UNC13C: variants seen among roughly 807,000 people sequenced by gnomAD.
UNC13C encodes the protein protein unc-13 homolog C.
UNC13C carries 174 observed loss-of-function variants against 245.4 expected under a neutral mutation model. The ratio of observed to expected loss-of-function variants is 0.71; its 90% CI spans 0.63 to 0.80. The LOEUF is 0.80. Ranked by LOEUF, UNC13C falls within the 30% of genes least tolerant of loss-of-function variation. UNC13C has a pLI of 0.00. For synonymous variants in UNC13C, 992 were observed against 895.1 expected, an observed-to-expected ratio of 1.11 and a Z score of -1.93; for missense variants, 2,829 against 2,602.9, an observed-to-expected ratio of 1.09 and a Z score of -1.89.
At chr15:54,256,675 G>A (rs957701557) in intron 8 of UNC13C, among the ~76,000 whole-genome samples, 4 of 152,040 alleles carry the variant, frequency 2.6e-5, no homozygotes, top group African/African-American at 9.7e-5. Context: ...CAATGACAAC[G>A]ACAACAACAA....
At chr15:54,412,509 G>A (rs2040436744) in intron 18 of UNC13C, among the ~76,000 whole-genome samples, 1 of 152,218 alleles carries the variant, frequency 6.6e-6, no homozygotes, top group South Asian at 2.1e-4. Context: ...ATTACAGTTT[G>A]AGATGGGATT....
At chr15:53,855,697 A>G in the UNC13C span, among the ~76,000 whole-genome samples, 1 of 152,148 alleles carries the variant, frequency 6.6e-6, no homozygotes, top group Non-Finnish European at 1.5e-5. Context: ...TTGCCAGTAT[A>G]TTATTGAGGA....
chr15:54,191,778 T>C (rs2034192013), intron 4 of UNC13C, among the ~76,000 whole-genome samples: 1 of 152,218 alleles, frequency 6.6e-6, no homozygotes, highest in Non-Finnish European at 1.5e-5. Context: ...ATTGTGGTTT[T>C]GATTTGCATT....
the UNC13C span, among the ~76,000 whole-genome samples, chr15:53,874,758 C>T: frequency 1.3e-5 from 2 of 152,170 alleles, no homozygotes; most frequent in African/African-American, 2.4e-5. Context: ...TCACTTGGCA[C>T]TTCCACATAT....
intron 2 of UNC13C, among the ~76,000 whole-genome samples, chr15:54,074,116 C>A (rs1284701468): frequency 8.2e-6 from 1 of 122,022 alleles, no homozygotes; most frequent in Non-Finnish European, 1.7e-5. Flanking sequence ...GTTTTCCCAA[C>A]ACCATTTATT....
chr15:54,450,415 C>A (rs1189174922), intron 19 of UNC13C, among the ~76,000 whole-genome samples: 1 of 152,208 alleles, frequency 6.6e-6, no homozygotes, highest in Non-Finnish European at 1.5e-5. Context: ...GTGGTGGGCT[C>A]CACCCAGTTC....
intron 2 of UNC13C, among the ~76,000 whole-genome samples, chr15:54,100,740 A>T (rs868312783): frequency 1.3e-5 from 2 of 152,170 alleles, no homozygotes; most frequent in Middle Eastern, 3.4e-3. Context: ...AATCCAATTA[A>T]CATTATTTCA....
At chr15:53,864,743 G>T in the UNC13C span, among the ~76,000 whole-genome samples, 62,388 of 152,068 alleles carry the variant, frequency 0.41, 13,659 homozygotes, top group Admixed American at 0.52. Flanking sequence ...TGTGTTATTT[G>T]TAATAAAGTA....
chr15:53,983,502 T>G (rs2140949257), intron 1 of UNC13C, among the ~76,000 whole-genome samples: 1 of 152,230 alleles, frequency 6.6e-6, no homozygotes, highest in South Asian at 2.1e-4. Flanking sequence ...TACTTGATTC[T>G]TTTTAGAAAA....
intron 17 of UNC13C, among the ~76,000 whole-genome samples, chr15:54,353,786 T>TA (rs1290647562): frequency 6.6e-6 from 1 of 152,218 alleles, no homozygotes; most frequent in African/African-American, 2.4e-5. Context: ...TGCCATCCTC[T>TA]ACCAGGCCTG....
chr15:54,611,671 TTTC>T (rs1900105781), intron 30 of UNC13C: 1 of 152,178 alleles, frequency 6.6e-6, no homozygotes, highest in Admixed American at 6.6e-5. Context: ...TAAATCCCTC[TTTC>T]TTGATAACTG....
Position 54,013,023 on chromosome 15 carries a change from G to C in UNC13C, c.120G>C (p.Lys40Asn), listed in dbSNP as rs774454223. Residue 40 changes from lysine to asparagine, a missense_variant, in exon 2 of 33, where the codon AAG (lysine) becomes AAC (asparagine). Physicochemically the swap from Lys to Asn is moderately conservative, Grantham distance 94 (BLOSUM62 0). Transcript: ENST00000260323. ...ACAAAGAGTATCGTCAGCAGAAAAA[G>C]GATCAAGACTTCCCCACTGCTGGCC... is the stretch of plus-strand genomic sequence containing the variant. The part of the protein sequence containing the change: ...NKNKEYRQQK[K>N]DQDFPTAGQT... 2.5e-6 allele frequency: 4 copies of C among 1,613,798 alleles called. 1 individual carries two copies. The South Asian group carries it at 4.4e-5, about 18-fold the overall frequency.
intron 4 of UNC13C, among the ~76,000 whole-genome samples, chr15:54,148,892 A>C (rs1191537740): frequency 6.6e-6 from 1 of 152,098 alleles, no homozygotes; most frequent in Non-Finnish European, 1.5e-5. Flanking sequence ...CCCACATAAC[A>C]CAGTGCTTTA....
At chr15:54,372,380 G>T (rs745455051) in intron 17 of UNC13C, among the ~76,000 whole-genome samples, 1 of 151,880 alleles carries the variant, frequency 6.6e-6, no homozygotes, top group Non-Finnish European at 1.5e-5. Flanking sequence ...TGTGAAAAAT[G>T]TCCTACATAA....
intron 2 of UNC13C, among the ~76,000 whole-genome samples, chr15:54,018,811 CT>C (rs776212450): frequency 9.2e-5 from 14 of 151,486 alleles, no homozygotes; most frequent in Non-Finnish European, 1.5e-4. Flanking sequence ...GGCAAGTTGT[CT>C]TTTTTTTTAA....
chr15:54,505,744 C>CTTTTTTT (rs3083161), intron 22 of UNC13C, among the ~76,000 whole-genome samples: 2 of 129,858 alleles, frequency 1.5e-5, no homozygotes, highest in African/African-American at 2.9e-5. Context: ...AAGCTATATT[C>CTTTTTTT]TTTTTTTTTT....
chr15:54,078,693 C>A (rs951281603), intron 2 of UNC13C, among the ~76,000 whole-genome samples: 1 of 150,814 alleles, frequency 6.6e-6, no homozygotes, highest in Non-Finnish European at 1.5e-5. Context: ...TTTCTGATTT[C>A]CTTAAGTTTC....
chr15:54,451,396 G>A (rs1392772519), intron 19 of UNC13C, among the ~76,000 whole-genome samples: 2 of 151,260 alleles, frequency 1.3e-5, no homozygotes, highest in East Asian at 1.9e-4. Flanking sequence ...TCTCCTTCTG[G>A]GCCTCTGAAA....
chr15:54,145,762 C>G (rs1025185437), intron 4 of UNC13C, among the ~76,000 whole-genome samples: 6 of 152,334 alleles, frequency 3.9e-5, no homozygotes, highest in African/African-American at 1.2e-4. Flanking sequence ...CTGCACCTCC[C>G]TTCGCCTACA....
Sources: gnomAD v4.1 joint callset for allele counts (sites outside exome capture counted in the v4.1 genomes callset) on GRCh38, gnomAD v4.1.1 for gene constraint, MANE v1.5 for transcripts, NCBI Gene and HGNC (gene_info 2026-07-23, HGNC 2026-07-21) for gene names.